SLC5A2: variants seen among roughly 807,000 people sequenced by gnomAD.
SLC5A2 encodes the protein solute carrier family 5 member 2, also known as sodium/glucose cotransporter 2.
Under a neutral mutation model 69.0 loss-of-function variants are expected in SLC5A2, and 67 were observed. The ratio of observed to expected loss-of-function variants is 0.97; its 90% CI spans 0.80 to 1.19. SLC5A2 has a LOEUF of 1.19. Among genes scored for constraint, SLC5A2 ranks in the 50% most tolerant of loss-of-function variants. The pLI is 0.00. For missense variants in SLC5A2, 1,001 were observed against 921.5 expected (o/e 1.09, Z -1.12); for synonymous variants, 455 against 395.8 (o/e 1.15, Z -1.78).
intron 12 of SLC5A2, 53 bp downstream of exon 12, chr16:31,489,391 T>C: frequency 5.9e-6 from 9 of 1,526,330 alleles, no homozygotes; most frequent in Non-Finnish European, 8.0e-6. Context: ...ACCTACCCTC[T>C]GCTTCCTGGA....
chr16:31,483,242 G>T lies in SLC5A2; in HGVS notation c.106G>T (p.Val36Phe). 1 of 1,614,014 alleles carries T rather than the reference G, an allele frequency of 6.2e-7. No individual in the cohort carries two copies. The highest frequency in any genetic ancestry group is 8.5e-7 in the Non-Finnish European group (1 of 1,180,026). ...AGTCATTGCTGCATATTTCCTGCTG[G>T]TCATTGGCGTTGGCTTGTGGGTGAG... is the stretch of plus-strand genomic sequence containing the variant. ...ILVIAAYFLL[V>F]IGVGLWSMCR... Residue 36 changes from valine (V) to phenylalanine (F), a missense_variant, in exon 1 of 14, where the codon GTC becomes TTC. Transcript: ENST00000330498.
chr16:31,490,061 G>T, intron 12 of SLC5A2, 43 bp from the exon 13 acceptor site: 1 of 1,611,658 alleles, frequency 6.2e-7, no homozygotes, highest in Non-Finnish European at 8.5e-7. Flanking sequence ...CCAGGCATGG[G>T]GGGACAGAAC....
rs2082504366 is a variant in SLC5A2 at position 31,487,371 on chromosome 16, T to TG, written c.632dup (p.Ala212ArgfsTer138). ...GACACGGTACAGACCTTCGTCATTC[T>TG]GGGGGGCGCCTGCATCCTCATGGGT... On this transcript the variant is annotated frameshift_variant, in exon 6 of 14. Coordinates refer to ENST00000330498, the MANE Select transcript of SLC5A2 (RefSeq NM_003041.4). LOFTEE classifies it high-confidence loss of function. 1 of 1,613,836 alleles carries TG rather than the reference T, an allele frequency of 6.2e-7. No homozygotes were observed. The highest frequency in any genetic ancestry group is 8.5e-7 in the Non-Finnish European group (1 of 1,179,996).
intron 4 of SLC5A2, 26 bp downstream of exon 4, chr16:31,485,919 G>C (rs1374114817): frequency 1.2e-6 from 2 of 1,612,954 alleles, no homozygotes; most frequent in Admixed American, 1.7e-5. Context: ...AGATGCGATT[G>C]GGCCCTAGAA....
At position 31,487,581 on chromosome 16, in the gene SLC5A2, C is replaced by T; in HGVS notation, c.707C>T (p.Ala236Val). ...YSGLFDKYLG[A>V]ATSLTVSEDP... The stretch of plus-strand genomic sequence containing the variant: ...GGTCTCTTCGACAAATACCTGGGAG[C>T]AGCGACTTCGCTGACGGTGTCCGAG... Residue 236 changes from alanine (A) to valine (V), a missense_variant, in exon 7 of 14, where the codon GCA (alanine) becomes GTA (valine). Transcript: ENST00000330498. 6.2e-7 allele frequency: 1 copy of T among 1,613,936 alleles called. No homozygotes were observed.
rs141627694 is a variant in SLC5A2 at position 31,488,637 on chromosome 16, T to C, written c.1145T>C (p.Met382Thr). The C allele has an allele frequency of 9.9e-5, 159 of 1,611,198 alleles. No individual in the cohort carries two copies. Among genetic ancestry groups the C allele is most frequent in the Non-Finnish European group, 1.2e-4 (146 of 1,179,046 alleles). ...KLMPNGLRGL[M>T]LAVMLAALMS... ...CGGCCCGCAGGTCTGCGCGGACTCA[T>C]GCTGGCGGTCATGCTGGCCGCGCTC... is the stretch of plus-strand genomic sequence containing the variant. Residue 382 changes from methionine (M) to threonine (T), a missense_variant, in exon 10 of 14, where the codon ATG becomes ACG. Transcript: ENST00000330498.
intron 3 of SLC5A2, chr16:31,485,354 A>T (rs1005268347): frequency 1.6e-5 from 7 of 445,572 alleles, no homozygotes; most frequent in Non-Finnish European, 2.9e-5. Flanking sequence ...TTGGGCTTTG[A>T]GCTCAGGGCT....
rs1008321006 is a variant in SLC5A2, at chr16:31,488,724, C to A, written c.1232C>A (p.Thr411Lys). ...SSTLFTMDIYTRLRPRAGDRE... is the reference protein window; with the variant it reads ...SSTLFTMDIYKRLRPRAGDRE... ...ACGCTCTTCACCATGGACATCTACACGCGCCTGCGGCCACGCGCCGGCGAC... is the reference window on the plus strand; with the variant it reads ...ACGCTCTTCACCATGGACATCTACAAGCGCCTGCGGCCACGCGCCGGCGAC... The change falls in exon 10 of 14, where the codon ACG (threonine) becomes AAG (lysine). Residue 411 changes from threonine (T) to lysine (K), a missense_variant. Coordinates refer to ENST00000330498, the MANE Select transcript of SLC5A2 (RefSeq NM_003041.4). 1.9e-6 allele frequency: 3 copies of A among 1,611,540 alleles called. No homozygotes were observed. Among genetic ancestry groups the A allele is most frequent in the African/African-American group, 2.7e-5 (2 of 74,904 alleles).
intron 1 of SLC5A2, 95 bp downstream of exon 1, chr16:31,483,357 G>C: frequency 6.6e-7 from 1 of 1,520,858 alleles, no homozygotes; most frequent in Non-Finnish European, 9.1e-7. Flanking sequence ...ATGATGCTTG[G>C]ATCTTTGAAG....
intron 3 of SLC5A2, 25 bp downstream of exon 3, chr16:31,484,948 C>A: frequency 1.3e-6 from 2 of 1,595,982 alleles, no homozygotes; most frequent in Non-Finnish European, 8.6e-7. Context: ...TTTCCAATAA[C>A]CCCACCCTCA....
intron 5 of SLC5A2, among the ~76,000 whole-genome samples, chr16:31,487,057 A>AAAAACAAAAAC (rs2082501489): frequency 6.6e-6 from 1 of 151,918 alleles, no homozygotes; most frequent in Admixed American, 6.6e-5. Context: ...AAACAAAAAC[A>AAAAACAAAAAC]AAAACAAACA....
In SLC5A2 at chr16:31,483,353, C is replaced by G. The variant is rs2082470917; in HGVS notation, c.126+91C>G. 5.7e-5 allele frequency: 88 copies of G among 1,534,718 alleles called. No homozygotes were observed. In the South Asian group the frequency reaches 9.1e-4, roughly 16 times the overall value. On this transcript the variant is annotated intron_variant, in intron 1 of 13. Coordinates refer to ENST00000330498, the MANE Select transcript of SLC5A2 (RefSeq NM_003041.4). The stretch of plus-strand genomic sequence containing the variant: ...GGGGACCCTAGGTGGGAGAATGATG[C>G]TTGGATCTTTGAAGGAGAAACCTAG...
At position 31,484,644 on chromosome 16, in the gene SLC5A2, C is replaced by A. The variant is rs1451818713; in HGVS notation, c.127-29C>A. On this transcript the variant is annotated intron_variant, in intron 1 of 13. Coordinates refer to ENST00000330498, the MANE Select transcript of SLC5A2 (RefSeq NM_003041.4). ...ATGAGGTCCAAGGCTGTGCCCTAAA[C>A]CCAGGTCTCCCCCGCCTCTGTCTCC... 4 of 1,601,752 alleles carry A rather than the reference C, an allele frequency of 2.5e-6. No individual in the cohort carries two copies. In the African/African-American group the frequency reaches 4.0e-5, roughly 16 times the overall value.
In SLC5A2 at chr16:31,488,001, A is replaced by C. The variant is rs760502296; in HGVS notation, c.886-37A>C. On this transcript the variant is annotated intron_variant, in intron 7 of 13. Coordinates refer to ENST00000330498, the MANE Select transcript of SLC5A2 (RefSeq NM_003041.4). ...CGGGGCGCGGGGCGGGGCCGAGGGG[A>C]GGCCCGCAAGCGGGCAGCTGAACGC... 7 of 1,607,784 alleles carry C rather than the reference A, an allele frequency of 4.4e-6. No individual in the cohort carries two copies. In the African/African-American group the frequency reaches 8.0e-5, roughly 18 times the overall value.
At chr16:31,487,238 A>C in intron 5 of SLC5A2, 82 bp from the exon 6 acceptor site, 1 of 1,342,530 alleles carries the variant, frequency 7.4e-7, no homozygotes, top group Non-Finnish European at 1.1e-6. Context: ...AACTCTTTCA[A>C]ATTCCCACAA....
chr16:31,488,581 C>T (rs374277384), intron 9 of SLC5A2, 41 bp from the exon 10 acceptor site: 3 of 1,608,934 alleles, frequency 1.9e-6, no homozygotes, highest in African/African-American at 1.3e-5. Context: ...CCGCCCTGGA[C>T]CCCCAGTGGC....
chr16:31,483,982 C>T (rs963943574), intron 1 of SLC5A2, among the ~76,000 whole-genome samples: 6 of 151,926 alleles, frequency 3.9e-5, no homozygotes, highest in African/African-American at 7.3e-5. Flanking sequence ...CACAACTACT[C>T]GGAGGCCAAG....
At chr16:31,487,287 G>A (rs767680405) in intron 5 of SLC5A2, 33 bp from the exon 6 acceptor site, 1 of 1,608,740 alleles carries the variant, frequency 6.2e-7, no homozygotes, top group South Asian at 1.1e-5. Context: ...AACATAAACA[G>A]CTGGGCTGTC....
intron 12 of SLC5A2, 91 bp downstream of exon 12, chr16:31,489,429 T>C: frequency 8.4e-7 from 1 of 1,193,270 alleles, no homozygotes; most frequent in Non-Finnish European, 1.2e-6. Flanking sequence ...CCTGAATTTC[T>C]CGACTGAGGG....
Sources: gnomAD v4.1 joint callset for allele counts (sites outside exome capture counted in the v4.1 genomes callset) on GRCh38, gnomAD v4.1.1 for gene constraint, MANE v1.5 for transcripts, NCBI Gene and HGNC (gene_info 2026-07-23, HGNC 2026-07-21) for gene names.